The following ADGB variants were observed in gnomAD, a reference collection of about 807,000 sequenced individuals.
The protein encoded by ADGB is androglobin.
A neutral mutation model predicts 210.5 loss-of-function variants in ADGB; 172 were observed. The observed-to-expected ratio is 0.82, with a 90% CI of 0.72 to 0.93. The LOEUF is 0.93. Ranked by LOEUF, ADGB falls within the 40% of genes least tolerant of loss-of-function variation. The pLI is 0.00. For synonymous variants in ADGB, 658 were observed against 662.7 expected (o/e 0.99, Z 0.11); for missense variants, 2,025 against 1,964.8 (o/e 1.03, Z -0.58).
chr6:146,661,226 T>TC (rs1357013450), intron 5 of ADGB, among the ~76,000 whole-genome samples: 6 of 145,696 alleles, frequency 4.1e-5, no homozygotes, highest in African/African-American at 1.0e-4. Context: ...TTTTCTTTTT[T>TC]TTTTTTTTTT....
rs773935657 is a variant in ADGB, at chr6:146,788,544, G to A, written c.4471G>A (p.Glu1491Lys). The A allele has an allele frequency of 1.6e-5, 25 of 1,551,504 alleles. No individual in the cohort carries two copies. Among genetic ancestry groups the A allele is most frequent in the South Asian group, 1.2e-4 (10 of 84,054 alleles). ...GGATGTGGCAAAATCCACGAGTAGC[G>A]AAAGTGGAGGAGTGTCTTCACCAGG... is the stretch of plus-strand genomic sequence containing the variant. ...LRDVAKSTSS[E>K]SGGVSSPGKE... The change falls in exon 33 of 36, where the codon GAA becomes AAA. Residue 1491 changes from glutamate (E) to lysine (K), a missense_variant. Coordinates refer to ENST00000397944, the MANE Select transcript of ADGB (RefSeq NM_024694.4).
chr6:146,705,371 G>C (rs1251719189), intron 13 of ADGB, among the ~76,000 whole-genome samples: 2 of 152,088 alleles, frequency 1.3e-5, no homozygotes, highest in African/African-American at 2.4e-5. Context: ...TAGAAGTAAA[G>C]CTTTCAACTT....
At chr6:146,807,661 A>G (rs1299402314) in intron 35 of ADGB, 4 of 1,190,330 alleles carry the variant, frequency 3.4e-6, no homozygotes, top group Non-Finnish European at 4.6e-6. Flanking sequence ...CTGCCTGCTG[A>G]TAAGATATTG....
chr6:146,652,910 C>T, intron 3 of ADGB, among the ~76,000 whole-genome samples: 1 of 152,166 alleles, frequency 6.6e-6, no homozygotes, highest in East Asian at 1.9e-4. Context: ...GTCCCCAACC[C>T]TGGTCCATGG....
Position 146,733,966 on chromosome 6 carries a change from A to C in ADGB, c.2730A>C (p.Ala910=). 6.4e-7 allele frequency: 1 copy of C among 1,551,678 alleles called. No homozygotes were observed. The highest frequency in any genetic ancestry group is 8.7e-7 in the Non-Finnish European group (1 of 1,146,948). Residue 910 remains alanine, a synonymous_variant, in exon 22 of 36, where the codon GCA becomes GCC. Coordinates refer to ENST00000397944, the MANE Select transcript of ADGB (RefSeq NM_024694.4). The part of the protein sequence containing the change: ...KEYSAEEVAA[A]IKIQAMWRGT... ...ATTCTGCTGAGGAAGTAGCAGCAGCAATTAAAATTCAAGCCATGTGGAGAG... is the reference window on the plus strand; with the variant it reads ...ATTCTGCTGAGGAAGTAGCAGCAGCCATTAAAATTCAAGCCATGTGGAGAG...
intron 35 of ADGB, chr6:146,803,881 TAAC>T: frequency 5.8e-6 from 2 of 344,724 alleles, no homozygotes; most frequent in Non-Finnish European, 1.0e-5. Context: ...GGAAAAGTCT[TAAC>T]AAGCCAATTA....
intron 26 of ADGB, among the ~76,000 whole-genome samples, 153 bp from the exon 27 acceptor site, chr6:146,752,377 T>A (rs1027209309): frequency 6.6e-6 from 1 of 152,018 alleles, no homozygotes; most frequent in Non-Finnish European, 1.5e-5. Context: ...GTCCCCAAGA[T>A]CCAATTACCT....
intron 19 of ADGB, among the ~76,000 whole-genome samples, chr6:146,727,107 G>A (rs982642028): frequency 2.6e-5 from 4 of 151,680 alleles, no homozygotes; most frequent in Non-Finnish European, 5.9e-5. Flanking sequence ...CATGCATTTG[G>A]GACAATATTT....
intron 35 of ADGB, chr6:146,803,925 A>C: frequency 1.2e-5 from 3 of 256,938 alleles, no homozygotes; most frequent in Non-Finnish European, 7.2e-6. Flanking sequence ...AATCCCCAAA[A>C]AGGCTTAGCA....
chr6:146,650,375 TAGAG>T (rs1775682657), intron 3 of ADGB, among the ~76,000 whole-genome samples: 1 of 151,846 alleles, frequency 6.6e-6, no homozygotes, highest in South Asian at 2.1e-4. Context: ...AAAAGAGAAA[TAGAG>T]AGCTTTAGAA....
In ADGB at chr6:146,782,009, T is replaced by A; in HGVS notation, c.3863-11T>A. The A allele has an allele frequency of 6.9e-7, 1 of 1,441,070 alleles. No individual in the cohort carries two copies. The highest frequency in any genetic ancestry group is 1.6e-5 in the South Asian group (1 of 62,184). 89.3% of individuals were successfully genotyped at this position (1,441,070 alleles called of 1,614,324 possible). A position where few individuals can be genotyped will look rare whatever the true frequency, so the allele number is the denominator to read the frequency against. On this transcript the variant is annotated splice_polypyrimidine_tract_variant and intron_variant, in intron 29 of 35. Coordinates refer to ENST00000397944, the MANE Select transcript of ADGB (RefSeq NM_024694.4). ...TATGACTCACCATTTTTTATTTTTA[T>A]GTCTCTCTAGCTTATGGTGAAAGAC... is the stretch of plus-strand genomic sequence containing the variant.
intron 29 of ADGB, among the ~76,000 whole-genome samples, chr6:146,774,193 T>C (rs533984355): frequency 3.7e-4 from 56 of 152,164 alleles, no homozygotes; most frequent in Non-Finnish European, 6.6e-4. Context: ...TTTTTCCCTG[T>C]TAATGGGTAA....
At chr6:146,683,235 A>G (rs1776181091) in intron 9 of ADGB, among the ~76,000 whole-genome samples, 1 of 152,128 alleles carries the variant, frequency 6.6e-6, no homozygotes, top group Admixed American at 6.6e-5. Context: ...CAGGTATTTC[A>G]TTTTAGCAGT....
intron 26 of ADGB, among the ~76,000 whole-genome samples, chr6:146,751,738 G>A (rs1211154733): frequency 2.0e-5 from 3 of 152,042 alleles, no homozygotes; most frequent in Admixed American, 1.3e-4. Flanking sequence ...GTGATGTTGA[G>A]CTATCTTTTA....
At chr6:146,728,961 C>A (rs965432408) in intron 20 of ADGB, among the ~76,000 whole-genome samples, 1 of 152,188 alleles carries the variant, frequency 6.6e-6, no homozygotes, top group African/African-American at 2.4e-5. Context: ...ACTGCTGTGG[C>A]TTACTGGAAA....
intron 10 of ADGB, among the ~76,000 whole-genome samples, chr6:146,690,762 A>G (rs532995971): frequency 3.3e-4 from 50 of 152,354 alleles, no homozygotes; most frequent in African/African-American, 1.0e-3. Context: ...TAATTTACAT[A>G]TTAAGCACTA....
chr6:146,815,113 A>C lies in ADGB; in HGVS notation c.4900A>C (p.Lys1634Gln). The C allele has an allele frequency of 6.5e-7, 1 of 1,548,754 alleles. No individual in the cohort carries two copies. Among genetic ancestry groups the C allele is most frequent in the East Asian group, 2.5e-5 (1 of 40,754 alleles). Residue 1634 changes from lysine to glutamine, a missense_variant, in exon 36 of 36, where the codon AAG becomes CAG. Coordinates refer to ENST00000397944, the MANE Select transcript of ADGB (RefSeq NM_024694.4). ...CAAATTGCTGGAAGCTGAGCACCTA[A>C]AGCTGGAAACTCTGGCTGCTCAGGA... ...RNKLLEAEHLKLETLAAQEAA... is the reference protein window; with the variant it reads ...RNKLLEAEHLQLETLAAQEAA...
At chr6:146,754,867 C>T (rs1005816072) in intron 27 of ADGB, among the ~76,000 whole-genome samples, 1 of 151,980 alleles carries the variant, frequency 6.6e-6, no homozygotes. Context: ...TAAATGCACA[C>T]ATACACTTTC....
At chr6:146,682,929 T>C (rs1776177213) in intron 9 of ADGB, among the ~76,000 whole-genome samples, 1 of 152,082 alleles carries the variant, frequency 6.6e-6, no homozygotes, top group Admixed American at 6.6e-5. Flanking sequence ...CTGGAGTCCA[T>C]GTGCTAGAAT....
Sources: gnomAD v4.1 joint callset for allele counts (sites outside exome capture counted in the v4.1 genomes callset) on GRCh38, gnomAD v4.1.1 for gene constraint, MANE v1.5 for transcripts, NCBI Gene and HGNC (gene_info 2026-07-23, HGNC 2026-07-21) for gene names.